MAPKBP1: variants seen among roughly 807,000 people sequenced by gnomAD.
MAPKBP1 encodes mitogen-activated protein kinase-binding protein 1.
In MAPKBP1, 71 loss-of-function variants were observed where a neutral mutation model predicts 170.5. That is an observed-to-expected ratio of 0.42 (90% CI 0.34 to 0.51). MAPKBP1 has a LOEUF of 0.51. MAPKBP1 is among the 20% of genes least tolerant of loss of function. MAPKBP1 has a pLI of 0.06. For missense variants in MAPKBP1, 1,598 were observed against 1,933.0 expected, an observed-to-expected ratio of 0.83 and a Z score of 3.25; for synonymous variants, 719 against 757.9, an observed-to-expected ratio of 0.95 and a Z score of 0.84.
Position 41,816,782 on chromosome 15 carries a change from G to A in MAPKBP1, c.1586-128G>A, listed in dbSNP as rs1488750440. Reference sequence around the variant, plus strand: ...GTCTTTGCTGGTTTAGAGGAAGACAGCTCTGTCCTTGCTCCATGGTTCACA... The same window carrying A: ...GTCTTTGCTGGTTTAGAGGAAGACAACTCTGTCCTTGCTCCATGGTTCACA... On this transcript the variant is annotated intron_variant, in intron 13 of 30. Coordinates refer to ENST00000457542, the MANE Select transcript of MAPKBP1 (RefSeq NM_014994.3). 11 of 1,475,168 alleles carry A rather than the reference G, an allele frequency of 7.5e-6. No individual in the cohort carries two copies. In the Admixed American group the frequency reaches 1.6e-4, roughly 21 times the overall value. The allele number at this position is 1,475,168 out of a possible 1,614,324, so 91.4% of individuals were successfully genotyped here.
intron 21 of MAPKBP1, 42 bp from the exon 22 acceptor site, chr15:41,819,553 G>GGGGGGGGGGGA: frequency 1.3e-6 from 2 of 1,502,870 alleles, no homozygotes; most frequent in Admixed American, 1.8e-5. Context: ...GTGGCGGGGG[G>GGGGGGGGGGGA]GGGGCAGGAG....
intron 3 of MAPKBP1, 151 bp from the exon 4 acceptor site, chr15:41,810,732 A>G (rs2064789662): frequency 3.3e-6 from 2 of 610,218 alleles, no homozygotes; most frequent in East Asian, 5.6e-5. Context: ...AAAAAAAAAA[A>G]AAAAAAAGAA....
At position 41,786,777 on chromosome 15, in the gene MAPKBP1, A is replaced by AAAAAAATATATATATAT; in HGVS notation, c.114+11389_114+11390insAAAAATATATATATATA. Among the ~76,000 whole-genome samples, 24 of 32,418 alleles carry AAAAAAATATATATATAT rather than the reference A, an allele frequency of 7.4e-4. 1 individual carries two copies. Among genetic ancestry groups the AAAAAAATATATATATAT allele is most frequent in the African/African-American group, 2.2e-3 (17 of 7,612 alleles). 21.3% of individuals were successfully genotyped at this position (32,418 alleles called of 152,430 possible). ...CAGACTCCGTCTAAAAAAAAAAAAA[A>AAAAAAATATATATATAT]ATATATATATATATATATATATATA... On this transcript the variant is annotated intron_variant, in intron 2 of 30. Coordinates refer to ENST00000457542, the MANE Select transcript of MAPKBP1 (RefSeq NM_014994.3).
chr15:41,825,458 T>A lies in MAPKBP1; in HGVS notation c.*22T>A. 1 of 1,572,374 alleles carries A rather than the reference T, an allele frequency of 6.4e-7. No individual in the cohort carries two copies. On this transcript the variant is annotated 3_prime_UTR_variant, in exon 31 of 31. Coordinates refer to ENST00000457542, the MANE Select transcript of MAPKBP1 (RefSeq NM_014994.3). ...CTGAGTTCTGGAAGCCTGTCCCAAG[T>A]GAATGAATGCTCCAGCGATTCCAAA... is the stretch of plus-strand genomic sequence containing the variant.
chr15:41,800,196 T>G (rs917964748), intron 3 of MAPKBP1, among the ~76,000 whole-genome samples: 5 of 152,172 alleles, frequency 3.3e-5, no homozygotes, highest in Admixed American at 2.0e-4. Flanking sequence ...AGTAACTACC[T>G]TCCAGTCATT....
intron 29 of MAPKBP1, 89 bp from the exon 30 acceptor site, chr15:41,824,395 C>T (rs1332738074): frequency 5.6e-6 from 7 of 1,241,046 alleles, no homozygotes; most frequent in Non-Finnish European, 4.5e-6. Flanking sequence ...ATGCTGAGGG[C>T]TAGGTCTCTC....
rs78136230 is a variant in MAPKBP1 at position 41,778,955 on chromosome 15, T to G, written c.114+3566T>G. The stretch of plus-strand genomic sequence containing the variant: ...AGCCATTAATCTGATCTAGGTTATA[T>G]TATTCCTTCTGGAAACAATGGGTAA... On this transcript the variant is annotated intron_variant, in intron 2 of 30. Transcript: ENST00000457542. Among the ~76,000 whole-genome samples the G allele has an allele frequency of 2.1e-4, 32 of 152,350 alleles. No individual in the cohort carries two copies. The East Asian group carries it at 6.2e-3, about 29-fold the overall frequency.
intron 3 of MAPKBP1, among the ~76,000 whole-genome samples, chr15:41,809,880 T>G (rs910420027): frequency 5.9e-5 from 9 of 152,184 alleles, no homozygotes; most frequent in Non-Finnish European, 8.8e-5. Flanking sequence ...CTTCTGGCAG[T>G]CGGGGGGTTC....
chr15:41,786,897 A>G (rs887647957), intron 2 of MAPKBP1, among the ~76,000 whole-genome samples: 4 of 148,684 alleles, frequency 2.7e-5, no homozygotes, highest in Non-Finnish European at 5.9e-5. Context: ...ATTTGAGACA[A>G]TTCATTTCCT....
intron 2 of MAPKBP1, among the ~76,000 whole-genome samples, chr15:41,797,666 T>C (rs1291940992): frequency 6.6e-6 from 1 of 152,214 alleles, no homozygotes; most frequent in African/African-American, 2.4e-5. Flanking sequence ...CAAAGTTACT[T>C]TGTTCCACAC....
intron 8 of MAPKBP1, chr15:41,813,402 G>A (rs1255395216): frequency 6.6e-7 from 1 of 1,510,592 alleles, no homozygotes; most frequent in Admixed American, 1.7e-5. Context: ...TCTCTTCACT[G>A]GGCTTTTCCT....
intron 1 of MAPKBP1, 114 bp from the exon 2 acceptor site, chr15:41,775,053 C>T: frequency 3.6e-6 from 2 of 555,208 alleles, no homozygotes; most frequent in Non-Finnish European, 6.4e-6. Context: ...CTGTGCAGGG[C>T]TAGAAGGTGG....
intron 30 of MAPKBP1, chr15:41,824,968 C>T (rs185142262): frequency 4.9e-5 from 24 of 491,096 alleles, no homozygotes; most frequent in Middle Eastern, 5.2e-4. Flanking sequence ...CAGATTCTGC[C>T]GGAGTTGTCA....
chr15:41,820,950 G>A lies in MAPKBP1; in HGVS notation c.2600G>A (p.Arg867Gln), dbSNP rs745723375. The part of the protein sequence containing the change: ...ELSVRSMLDL[R>Q]QLETLAPSLQ... Reference sequence around the variant, plus strand: ...AGCGTTAGATCCATGCTGGATCTGCGGCAGCTGGAAACACTGGCCCCAAGC... The same window carrying A: ...AGCGTTAGATCCATGCTGGATCTGCAGCAGCTGGAAACACTGGCCCCAAGC... Residue 867 changes from arginine (R) to glutamine (Q), a missense_variant, in exon 23 of 31, where the codon CGG becomes CAG. Around this residue, in one of 6 missense-constraint regions of MAPKBP1, gnomAD observed 942 missense variants for 953.2 expected, o/e 0.99. Coordinates refer to ENST00000457542, the MANE Select transcript of MAPKBP1 (RefSeq NM_014994.3). The A allele has an allele frequency of 1.7e-5, 28 of 1,614,072 alleles. No individual in the cohort carries two copies. Among genetic ancestry groups the A allele is most frequent in the Middle Eastern group, 1.6e-4 (1 of 6,084 alleles).
In MAPKBP1 at chr15:41,827,219, T is replaced by TGGA. The variant is rs2065121392; in HGVS notation, c.*1786_*1788dup. 3 of 151,044 alleles carry TGGA rather than the reference T, an allele frequency of 2.0e-5. No homozygotes were observed. The highest frequency in any genetic ancestry group is 2.9e-5 in the Non-Finnish European group (2 of 67,848). The allele number at this position is 151,044 out of a possible 1,614,324, so 9.4% of individuals were successfully genotyped here. ...TTAGGCAGGAGAATCGCTTGAACCC[T>TGGA]GGAGGTGGAGGTGGAGGTTGCAGTG... On this transcript the variant is annotated 3_prime_UTR_variant, in exon 31 of 31. Transcript: ENST00000457542.
intron 3 of MAPKBP1, among the ~76,000 whole-genome samples, chr15:41,801,910 C>T (rs1179384036): frequency 1.3e-5 from 2 of 152,140 alleles, no homozygotes; most frequent in Admixed American, 1.3e-4. Context: ...AGTCATGTGT[C>T]ACTTAATGAT....
chr15:41,790,637 CT>C (rs919848793), intron 2 of MAPKBP1, among the ~76,000 whole-genome samples: 3 of 152,232 alleles, frequency 2.0e-5, no homozygotes, highest in Admixed American at 2.0e-4. Flanking sequence ...GCAGGATACC[CT>C]TTTTTTGTTT....
At chr15:41,787,899 A>G (rs1188675334) in intron 2 of MAPKBP1, among the ~76,000 whole-genome samples, 1 of 152,196 alleles carries the variant, frequency 6.6e-6, no homozygotes, top group African/African-American at 2.4e-5. Context: ...AGGTAAAAAA[A>G]ACTTAATAAG....
Position 41,812,596 on chromosome 15 carries a change from C to T in MAPKBP1, c.579C>T (p.Val193=). 6.2e-7 allele frequency: 1 copy of T among 1,613,994 alleles called. No individual in the cohort carries two copies. The highest frequency in any genetic ancestry group is 8.5e-7 in the Non-Finnish European group (1 of 1,179,880). ...TCTCTGAGGATTGCAGCTACTTTGTCACTGCAGGCAACCGACACATCAAAT... is the reference window on the plus strand; with the variant it reads ...TCTCTGAGGATTGCAGCTACTTTGTTACTGCAGGCAACCGACACATCAAAT... ...VSFSEDCSYF[V]TAGNRHIKFW... is the part of the protein sequence containing the mutation. The change falls in exon 7 of 31, where the codon GTC becomes GTT. Residue 193 remains valine, a synonymous_variant. Coordinates refer to ENST00000457542, the MANE Select transcript of MAPKBP1 (RefSeq NM_014994.3).
Sources: allele counts gnomAD v4.1 joint callset (sites outside exome capture counted in the v4.1 genomes callset), GRCh38; gene constraint gnomAD v4.1.1; regional missense constraint gnomAD v4.1.1; transcripts MANE v1.5; gene names NCBI Gene and HGNC (gene_info 2026-07-23, HGNC 2026-07-21).